Variants in DOCK1 observed in about 807,000 individuals in gnomAD.
The protein encoded by DOCK1 is dedicator of cytokinesis protein 1.
DOCK1 carries 138 observed loss-of-function variants against 262.7 expected under a neutral mutation model. That is an observed-to-expected ratio of 0.53 (90% CI 0.46 to 0.61). The LOEUF (loss-of-function observed/expected upper bound fraction) is 0.61, where lower values mean the gene tolerates loss of function less well. Among genes scored for constraint, DOCK1 ranks in the 20% least tolerant of loss-of-function variants. The probability of loss-of-function intolerance (pLI) is 0.00; values close to 1 mark genes in which losing one functional copy is unlikely to be tolerated. For missense variants in DOCK1, 1,908 were observed against 2,370.7 expected, an observed-to-expected ratio of 0.80 and a Z score of 4.05; for synonymous variants, 866 against 867.4, an observed-to-expected ratio of 1.00 and a Z score of 0.03.
Position 127,110,382 on chromosome 10 carries a change from T to G in DOCK1, c.2623+28T>G, listed in dbSNP as rs748088680. 1.9e-6 allele frequency: 3 copies of G among 1,579,192 alleles called. No homozygotes were observed. The Admixed American group carries it at 5.3e-5, about 28-fold the overall frequency. ...GAGTGGAACCCCAAGAATTATTCAC[T>G]TGTCCTGTTATTTATTTTCTGAAGA... On this transcript the variant is annotated intron_variant, in intron 25 of 51. Coordinates refer to ENST00000623213, the MANE Select transcript of DOCK1 (RefSeq NM_001290223.2).
intron 12 of DOCK1, among the ~76,000 whole-genome samples, chr10:127,013,148 G>A (rs2041599652): frequency 6.6e-6 from 1 of 152,196 alleles, no homozygotes; most frequent in Non-Finnish European, 1.5e-5. Flanking sequence ...CCTGAAGAAT[G>A]TTTTAGAGAA....
Position 127,012,877 on chromosome 10 carries a change from C to T in DOCK1, c.1201+503C>T, listed in dbSNP as rs1391609370. Among the ~76,000 whole-genome samples, 4 of 152,144 alleles carry T rather than the reference C, an allele frequency of 2.6e-5. No individual in the cohort carries two copies. The highest frequency in any genetic ancestry group is 2.6e-4 in the Admixed American group (4 of 15,276). Reference sequence around the variant, plus strand: ...GGCAGAAGGAATGAATCAGTCACCTCGGGCTGGTGACAGTTGGCACTTGGC... The same window carrying T: ...GGCAGAAGGAATGAATCAGTCACCTTGGGCTGGTGACAGTTGGCACTTGGC... On this transcript the variant is annotated intron_variant, in intron 12 of 51. Transcript: ENST00000623213. This position sits in a 1 kb window ranked among gnomAD's most constrained non-coding sequence, Gnocchi z 4.0.
At chr10:127,011,161 G>C (rs767300521) in intron 11 of DOCK1, among the ~76,000 whole-genome samples, 2 of 152,178 alleles carry the variant, frequency 1.3e-5, no homozygotes, top group Non-Finnish European at 2.9e-5. Flanking sequence ...TCCATTAAAG[G>C]AAGACTAATA....
At chr10:127,427,361 T>G (rs1212634022) in intron 47 of DOCK1, among the ~76,000 whole-genome samples, 1 of 152,188 alleles carries the variant, frequency 6.6e-6, no homozygotes, top group Non-Finnish European at 1.5e-5. Context: ...TGTCCACCAG[T>G]CCCTGAAGTT....
rs1256628730 is a variant in DOCK1 at position 127,026,069 on chromosome 10, A to AAAAAAG, written c.1552-280_1552-279insAAGAAA. 109 of 310,334 alleles carry AAAAAAG rather than the reference A, an allele frequency of 3.5e-4. No homozygotes were observed. In the Middle Eastern group the frequency reaches 4.2e-3, roughly 12 times the overall value. The allele number at this position is 310,334 out of a possible 1,614,324, so 19.2% of individuals were successfully genotyped here. A position where few individuals can be genotyped will look rare whatever the true frequency, so the allele number is the denominator to read the frequency against. ...AGCGAAACTCTGTATCAAAAAAAAA[A>AAAAAAG]AAAGAAAGAAAAAAGAATCTTAACA... On this transcript the variant is annotated intron_variant, in intron 15 of 51. Transcript: ENST00000623213.
chr10:127,053,288 G>T (rs1257247548), intron 22 of DOCK1, among the ~76,000 whole-genome samples: 2 of 152,224 alleles, frequency 1.3e-5, no homozygotes, highest in African/African-American at 4.8e-5. Flanking sequence ...CTTGCAGCGA[G>T]CGGAGATCGC....
intron 1 of DOCK1, among the ~76,000 whole-genome samples, chr10:126,921,413 C>T (rs146928687): frequency 6.6e-6 from 1 of 152,218 alleles, no homozygotes; most frequent in African/African-American, 2.4e-5. Context: ...ACCTTGAAAA[C>T]ATGCTAAGGG....
intron 31 of DOCK1, among the ~76,000 whole-genome samples, chr10:127,350,261 A>G (rs10764979): frequency 0.5 from 74,995 of 150,680 alleles, 18,881 homozygotes; most frequent in Admixed American, 0.57. Flanking sequence ...GGCAGCGGGG[A>G]CGCTTTAAAA....
chr10:126,992,978 G>C (rs1412226846), intron 6 of DOCK1, among the ~76,000 whole-genome samples: 2 of 152,220 alleles, frequency 1.3e-5, no homozygotes, highest in Non-Finnish European at 2.9e-5. Flanking sequence ...ACAATGCGTA[G>C]AAGGGTTGAC....
At chr10:127,099,863 T>C (rs1415372684) in intron 23 of DOCK1, among the ~76,000 whole-genome samples, 2 of 152,134 alleles carry the variant, frequency 1.3e-5, no homozygotes, top group Non-Finnish European at 2.9e-5. Flanking sequence ...AGCTAAGGAC[T>C]GAGGGGTACC....
In DOCK1 at chr10:127,384,256, A is replaced by G. The variant is rs573506767; in HGVS notation, c.3808-534A>G. ...TTCAGCTCACACGCCGACTGCACCA[A>G]TGCTTCCAGGAATACTGGCCAAACC... On this transcript the variant is annotated intron_variant, in intron 37 of 51. Coordinates refer to ENST00000623213, the MANE Select transcript of DOCK1 (RefSeq NM_001290223.2). Among the ~76,000 whole-genome samples the G allele has an allele frequency of 5.9e-3, 894 of 152,246 alleles. 10 individuals carry two copies. Among genetic ancestry groups the G allele is most frequent in the African/African-American group, 0.02 (848 of 41,550 alleles).
chr10:127,130,648 A>G (rs543014584), intron 27 of DOCK1, among the ~76,000 whole-genome samples: 4 of 152,238 alleles, frequency 2.6e-5, no homozygotes, highest in Non-Finnish European at 4.4e-5. Flanking sequence ...TAAGTGTGGT[A>G]GTAATAATGG....
Position 127,384,785 on chromosome 10 carries a change from C to T in DOCK1, c.3808-5C>T. 1.3e-6 allele frequency: 2 copies of T among 1,569,802 alleles called. No individual in the cohort carries two copies. Among genetic ancestry groups the T allele is most frequent in the Non-Finnish European group, 1.7e-6 (2 of 1,163,384 alleles). On this transcript the variant is annotated splice_region_variant and splice_polypyrimidine_tract_variant and intron_variant, in intron 37 of 51. Transcript: ENST00000623213. The stretch of plus-strand genomic sequence containing the variant: ...GGGTCCGCTCATGCTATGCTTCTCC[C>T]TTAGTGGTCGGAGGATGTGTGTGTG...
At chr10:126,911,297 C>T (rs1460772976) in intron 1 of DOCK1, among the ~76,000 whole-genome samples, 1 of 152,152 alleles carries the variant, frequency 6.6e-6, no homozygotes, top group Non-Finnish European at 1.5e-5. Flanking sequence ...TGGGAGCCAG[C>T]GTGCAGCTCC....
At chr10:127,212,449 T>C (rs2058022801) in intron 27 of DOCK1, among the ~76,000 whole-genome samples, 1 of 152,126 alleles carries the variant, frequency 6.6e-6, no homozygotes, top group African/African-American at 2.4e-5. Context: ...GTGTTTCCAT[T>C]AGAAGGTAAA....
intron 27 of DOCK1, among the ~76,000 whole-genome samples, chr10:127,141,214 C>T (rs560267040): frequency 3.3e-4 from 51 of 152,334 alleles, no homozygotes; most frequent in Middle Eastern, 6.8e-3. Flanking sequence ...TGTTTTTGCA[C>T]TAACCACAGA....
At chr10:127,353,384 G>T (rs1278794127) in intron 31 of DOCK1, among the ~76,000 whole-genome samples, 3 of 152,320 alleles carry the variant, frequency 2.0e-5, no homozygotes, top group East Asian at 1.9e-4. Context: ...TGTTCAGGTC[G>T]TGTGTTTCCT....
At chr10:127,277,481 G>GGCAT (rs2060783502) in intron 29 of DOCK1, among the ~76,000 whole-genome samples, 1 of 152,130 alleles carries the variant, frequency 6.6e-6, no homozygotes, top group African/African-American at 2.4e-5. Flanking sequence ...ATAAGGGCTG[G>GGCAT]GCATGGTGGC....
At chr10:127,266,034 G>T (rs1326120808) in intron 29 of DOCK1, among the ~76,000 whole-genome samples, 1 of 152,252 alleles carries the variant, frequency 6.6e-6, no homozygotes, top group Non-Finnish European at 1.5e-5. Context: ...CCTTAGGATG[G>T]GAGAGAGGGA....
Sources: allele counts gnomAD v4.1 joint callset (sites outside exome capture counted in the v4.1 genomes callset), GRCh38; gene constraint gnomAD v4.1.1; non-coding constraint Gnocchi (gnomAD v3.1); transcripts MANE v1.5; gene names NCBI Gene and HGNC (gene_info 2026-07-23, HGNC 2026-07-21).